Variants in CDH13 observed in about 807,000 individuals in gnomAD.
CDH13 encodes the protein cadherin 13, also known as cadherin-13.
A neutral mutation model predicts 63.8 loss-of-function variants in CDH13; 24 were observed. That is an observed-to-expected ratio of 0.38 (90% CI 0.27 to 0.53). CDH13 has a LOEUF of 0.53. Among genes scored for constraint, CDH13 ranks in the 20% least tolerant of loss-of-function variants. The probability of loss-of-function intolerance (pLI) is 0.85; values close to 1 mark genes in which losing one functional copy is unlikely to be tolerated. For missense variants in CDH13, 1,049 were observed against 903.1 expected (o/e 1.16, Z -2.07); for synonymous variants, 503 against 355.3 (o/e 1.42, Z -4.67).
chr16:82,645,367 C>A (rs545607268), intron 1 of CDH13, among the ~76,000 whole-genome samples: 1 of 152,192 alleles, frequency 6.6e-6, no homozygotes, highest in Non-Finnish European at 1.5e-5. Flanking sequence ...GACGTCTATC[C>A]GTGGTGCTTG....
chr16:83,343,207 C>G (rs2090765876), intron 5 of CDH13, among the ~76,000 whole-genome samples: 3 of 152,072 alleles, frequency 2.0e-5, no homozygotes, highest in Non-Finnish European at 2.9e-5. Flanking sequence ...CCCACACATA[C>G]CTGGTTTCAT....
rs138030217 is a variant in CDH13, at chr16:82,869,801, C to T, written c.157+11328C>T. ...TATGCAGAAGAATGATAATAGAGCC[C>T]TATCTCTTGCCATATACAAAAAGCA... On this transcript the variant is annotated intron_variant, in intron 2 of 13. Transcript: ENST00000567109. Among the ~76,000 whole-genome samples the T allele has an allele frequency of 1.7e-3, 254 of 152,268 alleles. 4 individuals are homozygous for T. The highest frequency in any genetic ancestry group is 4.3e-4 in the Non-Finnish European group (29 of 68,018).
intron 5 of CDH13, among the ~76,000 whole-genome samples, chr16:83,309,075 G>A (rs2089942915): frequency 1.3e-5 from 2 of 152,122 alleles, no homozygotes; most frequent in African/African-American, 2.4e-5. Context: ...GTGGCTTGGT[G>A]CTTGTCCCTC....
intron 1 of CDH13, among the ~76,000 whole-genome samples, chr16:82,640,228 A>G (rs1384909686): frequency 2.0e-5 from 3 of 152,164 alleles, no homozygotes; most frequent in Non-Finnish European, 2.9e-5. Flanking sequence ...CTTTGTTCTG[A>G]TGGAATGGCC....
chr16:82,793,110 C>T (rs576934852), intron 1 of CDH13, among the ~76,000 whole-genome samples: 15 of 152,214 alleles, frequency 9.9e-5, no homozygotes, highest in African/African-American at 2.4e-4. Flanking sequence ...ATTTCAGGGG[C>T]GACTAAACAA....
intron 7 of CDH13, among the ~76,000 whole-genome samples, chr16:83,504,931 A>G (rs531868801): frequency 7.9e-4 from 121 of 152,340 alleles, no homozygotes; most frequent in African/African-American, 2.6e-3. Context: ...TCTGCCTCAA[A>G]TAAAGCATCA....
intron 10 of CDH13, among the ~76,000 whole-genome samples, chr16:83,689,099 A>G (rs1904594595): frequency 6.6e-6 from 1 of 152,212 alleles, no homozygotes; most frequent in Non-Finnish European, 1.5e-5. Context: ...ATATGTTGTT[A>G]TAAATTTGCC....
chr16:82,990,324 G>T (rs143004662), intron 2 of CDH13: 1 of 152,264 alleles, frequency 6.6e-6, no homozygotes, highest in East Asian at 1.9e-4. Flanking sequence ...CTCTTGGAAT[G>T]ACTCAGGAGT....
chr16:83,338,722 G>A (rs921726798), intron 5 of CDH13, among the ~76,000 whole-genome samples: 2 of 152,196 alleles, frequency 1.3e-5, no homozygotes, highest in African/African-American at 4.8e-5. Context: ...GGAAACCCAT[G>A]GTTGGTAGGA....
chr16:82,873,933 C>G (rs918912738), intron 2 of CDH13, among the ~76,000 whole-genome samples: 4 of 152,134 alleles, frequency 2.6e-5, no homozygotes, highest in Non-Finnish European at 4.4e-5. Flanking sequence ...GACCACTTCT[C>G]ACTCATGCTT....
intron 1 of CDH13, among the ~76,000 whole-genome samples, chr16:82,856,936 C>T (rs989032187): frequency 2.6e-5 from 4 of 152,106 alleles, no homozygotes; most frequent in African/African-American, 9.7e-5. Context: ...ACATACCATT[C>T]CCCATCAGTT....
At chr16:83,667,711 G>A (rs1232486121) in intron 8 of CDH13, among the ~76,000 whole-genome samples, 1 of 152,198 alleles carries the variant, frequency 6.6e-6, no homozygotes, top group Non-Finnish European at 1.5e-5. Context: ...AGGCTGGAGT[G>A]CAGTGGTGTA....
intron 2 of CDH13, among the ~76,000 whole-genome samples, chr16:82,981,322 G>C (rs1910232132): frequency 6.6e-6 from 1 of 152,074 alleles, no homozygotes; most frequent in Admixed American, 6.5e-5. Context: ...CAGGTCTCCA[G>C]CTCACACACT....
Position 83,523,532 on chromosome 16 carries a change from C to T in CDH13, c.960+36877C>T, listed in dbSNP as rs1380986825. Among the ~76,000 whole-genome samples, 7 of 152,272 alleles carry T rather than the reference C, an allele frequency of 4.6e-5. No individual in the cohort carries two copies. In the East Asian group the frequency reaches 1.4e-3, roughly 29 times the overall value. On this transcript the variant is annotated intron_variant, in intron 7 of 13. Transcript: ENST00000567109. The stretch of plus-strand genomic sequence containing the variant: ...GCAGCCTGTACCCTGCCAACCAGTG[C>T]CCCCCACACCAGGACTCTCTGCCAC...
chr16:82,774,695 G>T (rs2035416010), intron 1 of CDH13, among the ~76,000 whole-genome samples: 3 of 152,156 alleles, frequency 2.0e-5, no homozygotes, highest in African/African-American at 7.2e-5. Flanking sequence ...TTCTGGAAAT[G>T]CTGTGTGCTC....
intron 1 of CDH13, among the ~76,000 whole-genome samples, chr16:82,821,377 G>T (rs1871864290): frequency 6.6e-6 from 1 of 152,198 alleles, no homozygotes; most frequent in South Asian, 2.1e-4. Context: ...ACGATTCGAG[G>T]CAGATAACTG....
In CDH13 at chr16:83,647,458, G is replaced by A. The variant is rs575509547; in HGVS notation, c.1102-23332G>A. ...CCCCCATTTTGCTTGTGCTTCCATA[G>A]CAATGATGCTAGATGTTGGCTCACT... On this transcript the variant is annotated intron_variant, in intron 8 of 13. Coordinates refer to ENST00000567109, the MANE Select transcript of CDH13 (RefSeq NM_001257.5). 5.3e-5 allele frequency among the ~76,000 whole-genome samples: 8 copies of A among 152,242 alleles called. No homozygotes were observed. The South Asian group carries it at 1.7e-3, about 32-fold the overall frequency.
intron 2 of CDH13, among the ~76,000 whole-genome samples, chr16:82,880,298 G>A (rs186998249): frequency 2.8e-3 from 431 of 152,204 alleles, no homozygotes; most frequent in African/African-American, 9.9e-3. Context: ...CTACGTGGAT[G>A]AGGGGTCTGA....
chr16:82,678,654 G>T (rs932267674), intron 1 of CDH13, among the ~76,000 whole-genome samples: 2 of 152,144 alleles, frequency 1.3e-5, no homozygotes, highest in South Asian at 2.1e-4. Flanking sequence ...GAAGCTAAGG[G>T]TATATACCTA....
Sources: allele counts gnomAD v4.1 joint callset (sites outside exome capture counted in the v4.1 genomes callset), GRCh38; gene constraint gnomAD v4.1.1; transcripts MANE v1.5; gene names NCBI Gene and HGNC (gene_info 2026-07-23, HGNC 2026-07-21).